Variants in CWC27 observed in about 807,000 individuals in gnomAD.
CWC27 encodes CWC27 spliceosome associated cyclophilin, also known as spliceosome-associated protein CWC27 homolog.
In CWC27, 47 loss-of-function variants were observed where a neutral mutation model predicts 63.6. The ratio of observed to expected loss-of-function variants is 0.74; its 90% CI spans 0.58 to 0.94. The LOEUF is 0.94. Ranked by LOEUF, CWC27 falls within the 40% of genes least tolerant of loss-of-function variation. The pLI, the probability that CWC27 is intolerant of heterozygous loss-of-function variation, is 0.00. For missense variants in CWC27, 495 were observed against 554.3 expected (o/e 0.89, Z 1.07); for synonymous variants, 175 against 179.8 (o/e 0.97, Z 0.22).
chr5:64,994,200 A>G (rs143377501), intron 13 of CWC27, among the ~76,000 whole-genome samples: 1 of 152,284 alleles, frequency 6.6e-6, no homozygotes, highest in Non-Finnish European at 1.5e-5. Context: ...ATACATTAAT[A>G]TATAGATGCT....
At chr5:64,925,770 T>C (rs7716324) in intron 11 of CWC27, among the ~76,000 whole-genome samples, 16,935 of 152,208 alleles carry the variant, frequency 0.11, 2,933 homozygotes, top group African/African-American at 0.37. Flanking sequence ...ATTTCAAGTC[T>C]TTTCCTCCAT....
At chr5:64,957,667 A>T (rs1484098302) in intron 11 of CWC27, among the ~76,000 whole-genome samples, 2 of 152,218 alleles carry the variant, frequency 1.3e-5, no homozygotes, top group South Asian at 2.1e-4. Context: ...AAAGCTGCTT[A>T]TCAAGTAGTC....
chr5:64,819,621 CCTTT>C (rs1015005878), intron 10 of CWC27, among the ~76,000 whole-genome samples: 1 of 152,028 alleles, frequency 6.6e-6, no homozygotes, highest in Admixed American at 6.6e-5. Context: ...CTTTGCTCTT[CCTTT>C]GTCTTCTGCC....
intron 10 of CWC27, among the ~76,000 whole-genome samples, chr5:64,865,577 T>G (rs1746512282): frequency 6.6e-6 from 1 of 152,018 alleles, no homozygotes; most frequent in South Asian, 2.1e-4. Flanking sequence ...TTTAAATGAT[T>G]GAATCATTGG....
chr5:64,843,942 C>T (rs1388369427), intron 10 of CWC27, among the ~76,000 whole-genome samples: 1 of 151,932 alleles, frequency 6.6e-6, no homozygotes, highest in Non-Finnish European at 1.5e-5. Flanking sequence ...CCCGCAGCCC[C>T]GACCCACAAA....
At chr5:64,864,318 C>A (rs1437125363) in intron 10 of CWC27, among the ~76,000 whole-genome samples, 3 of 152,192 alleles carry the variant, frequency 2.0e-5, no homozygotes, top group African/African-American at 7.2e-5. Context: ...GAGTCCTGGG[C>A]AAGAGCACCT....
chr5:65,017,431 C>G (rs1339666240), intron 13 of CWC27, among the ~76,000 whole-genome samples: 1 of 152,144 alleles, frequency 6.6e-6, no homozygotes, highest in Non-Finnish European at 1.5e-5. Flanking sequence ...CAGCTAATTA[C>G]CAACATATTT....
chr5:64,807,510 G>A (rs913129485), intron 10 of CWC27: 11 of 1,398,136 alleles, frequency 7.9e-6, no homozygotes, highest in African/African-American at 7.3e-5. Context: ...TTAGAGAATC[G>A]GCACCCTTAT....
chr5:64,977,561 C>T (rs1749250464), intron 13 of CWC27, among the ~76,000 whole-genome samples: 1 of 152,132 alleles, frequency 6.6e-6, no homozygotes, highest in South Asian at 2.1e-4. Context: ...TCACATTAAA[C>T]AACTCGAAAA....
At chr5:64,991,549 A>G (rs944600504) in intron 13 of CWC27, among the ~76,000 whole-genome samples, 1 of 152,022 alleles carries the variant, frequency 6.6e-6, no homozygotes, top group Admixed American at 6.5e-5. Flanking sequence ...ACATAGCAAC[A>G]CACCATCTCT....
intron 11 of CWC27, among the ~76,000 whole-genome samples, chr5:64,892,543 AAC>A (rs1464821913): frequency 6.6e-6 from 1 of 152,174 alleles, no homozygotes; most frequent in Non-Finnish European, 1.5e-5. Context: ...TCATGCTATA[AAC>A]ACACGTGTTT....
At chr5:64,776,072 A>T (rs1448313986) in intron 2 of CWC27, among the ~76,000 whole-genome samples, 1 of 6,822 alleles carries the variant, frequency 1.5e-4, no homozygotes, top group African/African-American at 3.4e-4. Flanking sequence ...GTGGAGCGAG[A>T]GAGAGAGAGA....
At chr5:65,012,663 A>T (rs926060135) in intron 13 of CWC27, among the ~76,000 whole-genome samples, 1 of 152,200 alleles carries the variant, frequency 6.6e-6, no homozygotes, top group Non-Finnish European at 1.5e-5. Flanking sequence ...CAAATCACAT[A>T]TATCAGAAAT....
intron 1 of CWC27, among the ~76,000 whole-genome samples, chr5:64,771,577 G>A (rs190453070): frequency 1.3e-5 from 2 of 152,228 alleles, no homozygotes; most frequent in Admixed American, 1.3e-4. Flanking sequence ...ATTGTGTCTG[G>A]CTTCTTCACT....
rs545539804 is a variant in CWC27 at position 64,910,740 on chromosome 5, G to A, written c.1042+25194G>A. ...ACTAGCAGTGAGCAAGGCTCTGTGG[G>A]CATGGGACCAGCCGAGCCAGGCACA... On this transcript the variant is annotated intron_variant, in intron 11 of 13. Transcript: ENST00000381070. Among the ~76,000 whole-genome samples the A allele has an allele frequency of 2.1e-4, 32 of 152,328 alleles. No homozygotes were observed. In the South Asian group the frequency reaches 6.4e-3, roughly 31 times the overall value.
chr5:65,003,389 C>T (rs1454248335), intron 13 of CWC27, among the ~76,000 whole-genome samples: 1 of 151,770 alleles, frequency 6.6e-6, no homozygotes, highest in African/African-American at 2.4e-5. Flanking sequence ...ATTGCCATTT[C>T]CCTTCCCTTT....
chr5:64,860,434 T>C (rs1005179572), intron 10 of CWC27, among the ~76,000 whole-genome samples: 24 of 152,222 alleles, frequency 1.6e-4, no homozygotes, highest in African/African-American at 5.8e-4. Context: ...GAACTGCCCT[T>C]GGTTTGATTT....
At chr5:64,876,322 T>C (rs1746792564) in intron 10 of CWC27, among the ~76,000 whole-genome samples, 2 of 152,136 alleles carry the variant, frequency 1.3e-5, no homozygotes, top group Admixed American at 1.3e-4. Flanking sequence ...GCTGTTTCAC[T>C]ACAAACAGAT....
Position 64,783,866 on chromosome 5 carries a change from C to T in CWC27, c.283C>T (p.Arg95Trp), listed in dbSNP as rs891939155. 6.9e-6 allele frequency: 11 copies of T among 1,584,322 alleles called. No homozygotes were observed. Among genetic ancestry groups the T allele is most frequent in the Middle Eastern group, 1.7e-4 (1 of 5,976 alleles). The part of the protein sequence containing the change: ...DEFHSRLRFN[R>W]RGLVAMANAG... Reference sequence around the variant, plus strand: ...ATTTCATTCACGGTTGCGTTTTAATCGGAGAGGACTGGTTGCCATGGCAAA... The same window carrying T: ...ATTTCATTCACGGTTGCGTTTTAATTGGAGAGGACTGGTTGCCATGGCAAA... The change falls in exon 4 of 14, where the codon CGG (arginine) becomes TGG (tryptophan). Residue 95 changes from arginine (R) to tryptophan (W), a missense_variant. This residue lies in a region of CWC27 where 463 missense variants were observed against 498.1 expected (regional missense o/e 0.93). Coordinates refer to ENST00000381070, the MANE Select transcript of CWC27 (RefSeq NM_005869.4).
Sources: gnomAD v4.1 joint callset for allele counts (sites outside exome capture counted in the v4.1 genomes callset) on GRCh38, gnomAD v4.1.1 for gene constraint, gnomAD v4.1.1 regional missense constraint, MANE v1.5 for transcripts, NCBI Gene and HGNC (gene_info 2026-07-23, HGNC 2026-07-21) for gene names.